Variants in NOL8 observed in about 807,000 individuals in gnomAD.
NOL8 encodes nucleolar protein Nop132.
NOL8 carries 93 observed loss-of-function variants against 116.1 expected under a neutral mutation model. That is an observed-to-expected ratio of 0.80 (90% CI 0.68 to 0.95). The LOEUF (loss-of-function observed/expected upper bound fraction) is 0.95, where lower values mean the gene tolerates loss of function less well. Among genes scored for constraint, NOL8 ranks in the 40% least tolerant of loss-of-function variants. NOL8 has a pLI of 0.00. For synonymous variants in NOL8, 419 were observed against 469.0 expected (o/e 0.89, Z 1.38); for missense variants, 1,291 against 1,382.8 (o/e 0.93, Z 1.05).
intron 12 of NOL8, among the ~76,000 whole-genome samples, chr9:92,303,585 T>C (rs1013471537): frequency 1.3e-5 from 2 of 152,188 alleles, no homozygotes; most frequent in South Asian, 2.1e-4. Context: ...GAAAAAGTTA[T>C]AGACCTCGGT....
rs1032138256 is a variant in NOL8, at chr9:92,310,775, A to G, written c.2473-100T>C. ...CTCACATTGAAAGCCAGTAACCCAG[A>G]CTCATCTACCAGGAATGAGTAAATG... On this transcript the variant is annotated intron_variant, in intron 8 of 16. Transcript: ENST00000442668. The G allele has an allele frequency of 2.3e-6, 3 of 1,288,800 alleles. No homozygotes were observed. The African/African-American group carries it at 4.5e-5, about 19-fold the overall frequency. The allele number at this position is 1,288,800 out of a possible 1,614,324, so 79.8% of individuals were successfully genotyped here.
intron 12 of NOL8, among the ~76,000 whole-genome samples, chr9:92,303,769 C>T (rs1837967843): frequency 6.6e-6 from 1 of 152,114 alleles, no homozygotes; most frequent in South Asian, 2.1e-4. Context: ...TGTGCCACTG[C>T]AGTCCAGCCA....
At chr9:92,303,594 G>A (rs1388629251) in intron 12 of NOL8, among the ~76,000 whole-genome samples, 1 of 152,062 alleles carries the variant, frequency 6.6e-6, no homozygotes, top group Admixed American at 6.5e-5. Flanking sequence ...ATAGACCTCG[G>A]TCTAAAAATA....
rs1342400624 is a variant in NOL8 at position 92,314,421 on chromosome 9, T to A, written c.2204A>T (p.Lys735Ile). 8.1e-6 allele frequency: 13 copies of A among 1,613,612 alleles called. No homozygotes were observed. The highest frequency in any genetic ancestry group is 9.3e-6 in the Non-Finnish European group (11 of 1,179,540). ...KVSSKDTREI[K>I]TDFSLSISNS... ...ACTAATAGAAAGTGAGAAATCAGTT[T>A]TGATTTCCCGAGTGTCCTTGGATGA... The change falls in exon 7 of 17, where the codon AAA (lysine) becomes ATA (isoleucine). Residue 735 changes from lysine (K) to isoleucine (I), a missense_variant. By Grantham distance (102) the Lys-to-Ile change is moderately radical. Coordinates refer to ENST00000442668, the MANE Select transcript of NOL8 (RefSeq NM_017948.6).
At position 92,319,347 on chromosome 9, in the gene NOL8, T is replaced by C; in HGVS notation, c.291A>G (p.Gln97=). 3 of 1,565,890 alleles carry C rather than the reference T, an allele frequency of 1.9e-6. No homozygotes were observed. The highest frequency in any genetic ancestry group is 2.6e-6 in the Non-Finnish European group (3 of 1,163,470). ...AKESFLHRLA[Q]EREAAKAKKE... is the part of the protein sequence containing the mutation. ...TCTTAGCTTTTGCTGCTTCTCTCTC[T>C]TGGGCCAATCTGAATCAAAAAGAAA... is the stretch of plus-strand genomic sequence containing the variant. Residue 97 remains glutamine, a synonymous_variant, in exon 5 of 17, where the codon CAA becomes CAG. Transcript: ENST00000442668.
chr9:92,301,804 CT>C lies in NOL8; in HGVS notation c.2921del (p.Lys974ArgfsTer24). 1.3e-6 allele frequency: 2 copies of C among 1,589,828 alleles called. No homozygotes were observed. The highest frequency in any genetic ancestry group is 1.7e-6 in the Non-Finnish European group (2 of 1,167,326). On this transcript the variant is annotated frameshift_variant, in exon 13 of 17. Transcript: ENST00000442668. LOFTEE classifies it high-confidence loss of function. The stretch of plus-strand genomic sequence containing the variant: ...GTAGTTTCTCAGCTTCCTCCCTTTT[CT>C]TTTTTCGTTTTGCTTTACTGAAATG... ...KPKESKAKRK[K>X]KREEAEKLPE...
At chr9:92,309,210 A>G (rs1447485398) in intron 10 of NOL8, among the ~76,000 whole-genome samples, 1 of 152,220 alleles carries the variant, frequency 6.6e-6, no homozygotes, top group East Asian at 1.9e-4. Context: ...AATCACCTCA[A>G]AGAATTGAGA....
At chr9:92,300,114 C>G in intron 13 of NOL8, 98 bp from the exon 14 acceptor site, 1 of 1,459,300 alleles carries the variant, frequency 6.9e-7, no homozygotes, top group Admixed American at 2.2e-5. Flanking sequence ...GTAGACATAT[C>G]TAAAGTTCCA....
rs550806936 is a variant in NOL8 at position 92,307,032 on chromosome 9, G to A, written c.2687-8C>T. ...TTTTCTTTTCATTTACCTCTTTGAGGAAAAGGGATAATTAATACTCTCTTG... is the reference window on the plus strand; with the variant it reads ...TTTTCTTTTCATTTACCTCTTTGAGAAAAAGGGATAATTAATACTCTCTTG... On this transcript the variant is annotated splice_polypyrimidine_tract_variant and splice_region_variant and intron_variant, in intron 10 of 16. Transcript: ENST00000442668. 1 of 1,604,478 alleles carries A rather than the reference G, an allele frequency of 6.2e-7. No homozygotes were observed. Among genetic ancestry groups the A allele is most frequent in the East Asian group, 2.2e-5 (1 of 44,812 alleles).
At chr9:92,312,834 A>G (rs1160891063) in intron 7 of NOL8, among the ~76,000 whole-genome samples, 4 of 149,252 alleles carry the variant, frequency 2.7e-5, no homozygotes, top group Admixed American at 2.0e-4. Context: ...TCTCAAAAAA[A>G]AAAAAAAAAA....
intron 5 of NOL8, 149 bp downstream of exon 5, chr9:92,319,072 C>T (rs1839683569): frequency 1.3e-6 from 1 of 792,702 alleles, no homozygotes; most frequent in East Asian, 3.1e-5. Flanking sequence ...GTAAATGCAC[C>T]TTGAAAATCA....
intron 12 of NOL8, among the ~76,000 whole-genome samples, chr9:92,304,583 A>G (rs1838061728): frequency 6.6e-6 from 1 of 152,198 alleles, no homozygotes; most frequent in African/African-American, 2.4e-5. Flanking sequence ...TATCTGAAAT[A>G]ACACACATAT....
chr9:92,320,598 T>C (rs1564244364), intron 4 of NOL8, among the ~76,000 whole-genome samples: 1 of 152,028 alleles, frequency 6.6e-6, no homozygotes, highest in Non-Finnish European at 1.5e-5. Flanking sequence ...GTATATTCTT[T>C]TTTTTTTTTC....
At chr9:92,316,680 G>C (rs1587993833) in intron 6 of NOL8, among the ~76,000 whole-genome samples, 1 of 152,230 alleles carries the variant, frequency 6.6e-6, no homozygotes, top group Middle Eastern at 3.4e-3. Context: ...GCTGGCCTGG[G>C]CACGGTGGCT....
chr9:92,313,376 G>A (rs1296021045), intron 7 of NOL8, among the ~76,000 whole-genome samples: 1 of 152,098 alleles, frequency 6.6e-6, no homozygotes, highest in Non-Finnish European at 1.5e-5. Context: ...AATATGTTAG[G>A]CTTTGCAGGC....
At chr9:92,311,299 TATG>T (rs984486745) in intron 7 of NOL8, 40 bp from the exon 8 acceptor site, 4 of 1,481,512 alleles carry the variant, frequency 2.7e-6, no homozygotes, top group Admixed American at 3.6e-5. Flanking sequence ...TAAAAAGATT[TATG>T]ATGAAGACTC....
chr9:92,317,842 G>T (rs891773673), intron 6 of NOL8, among the ~76,000 whole-genome samples: 1 of 151,676 alleles, frequency 6.6e-6, no homozygotes, highest in African/African-American at 2.4e-5. Flanking sequence ...AGACCATCCT[G>T]GCCAACATGG....
intron 12 of NOL8, among the ~76,000 whole-genome samples, chr9:92,305,311 T>G (rs981174480): frequency 6.6e-6 from 1 of 152,116 alleles, no homozygotes; most frequent in African/African-American, 2.4e-5. Context: ...AAAGGATTGG[T>G]GGCAGTCACT....
At chr9:92,321,824 T>C (rs1022354880) in intron 3 of NOL8, 78 bp from the exon 4 acceptor site, 1 of 751,618 alleles carries the variant, frequency 1.3e-6, no homozygotes, top group Non-Finnish European at 2.1e-6. Context: ...AATTATTTAG[T>C]ATCAAGAAAA....
Sources: allele counts gnomAD v4.1 joint callset (sites outside exome capture counted in the v4.1 genomes callset), GRCh38; gene constraint gnomAD v4.1.1; transcripts MANE v1.5; gene names NCBI Gene and HGNC (gene_info 2026-07-23, HGNC 2026-07-21).